The following CAPN8 variants were observed in gnomAD, a reference collection of about 807,000 sequenced individuals.
The protein encoded by CAPN8 is calpain-8.
A neutral mutation model predicts 80.9 loss-of-function variants in CAPN8; 87 were observed. The observed-to-expected ratio is 1.07, with a 90% CI of 0.90 to 1.28. The LOEUF (loss-of-function observed/expected upper bound fraction) is 1.28, where lower values mean the gene tolerates loss of function less well. CAPN8 is among the 50% of genes most tolerant of loss of function. CAPN8 has a pLI of 0.00. For missense variants in CAPN8, 757 were observed against 702.0 expected (o/e 1.08, Z -0.89); for synonymous variants, 299 against 273.8 (o/e 1.09, Z -0.91).
rs1656476963 is a variant in CAPN8 at position 223,541,963 on chromosome 1, A to G, written c.2089-104T>C. 6.6e-6 allele frequency: 10 copies of G among 1,520,778 alleles called. No homozygotes were observed. In the South Asian group the frequency reaches 1.1e-4, roughly 16 times the overall value. 94.2% of individuals were successfully genotyped at this position (1,520,778 alleles called of 1,614,324 possible). A position where few individuals can be genotyped will look rare whatever the true frequency, so the allele number is the denominator to read the frequency against. On this transcript the variant is annotated intron_variant, in intron 20 of 20. Coordinates refer to ENST00000366872, the MANE Select transcript of CAPN8 (RefSeq NM_001143962.2). ...ACATGGGTGCGATCTTTTTATCTCC[A>G]TTCTCCAGTAAGTGCCTTGCTCAAA...
chr1:223,621,977 T>G (rs1319339467), intron 7 of CAPN8, among the ~76,000 whole-genome samples: 1 of 152,090 alleles, frequency 6.6e-6, no homozygotes, highest in Non-Finnish European at 1.5e-5. Context: ...AGCTAATTTT[T>G]GTACTTTTAG....
chr1:223,642,317 C>T (rs530030220), intron 2 of CAPN8, among the ~76,000 whole-genome samples: 13 of 152,294 alleles, frequency 8.5e-5, no homozygotes, highest in African/African-American at 2.6e-4. Flanking sequence ...TAACGTGACT[C>T]ATTTATGGCA....
intron 13 of CAPN8, among the ~76,000 whole-genome samples, chr1:223,555,166 C>A (rs1656876504): frequency 6.6e-6 from 1 of 152,210 alleles, no homozygotes; most frequent in African/African-American, 2.4e-5. Context: ...TAATATTCAC[C>A]ACTGTCCTGT....
intron 2 of CAPN8, among the ~76,000 whole-genome samples, chr1:223,648,869 A>G (rs1273752998): frequency 6.6e-6 from 1 of 152,240 alleles, no homozygotes; most frequent in Non-Finnish European, 1.5e-5. Context: ...TATAAGACAG[A>G]GTGAAAAATA....
intron 16 of CAPN8, among the ~76,000 whole-genome samples, chr1:223,548,547 A>G (rs1188863350): frequency 6.6e-6 from 1 of 152,216 alleles, no homozygotes; most frequent in African/African-American, 2.4e-5. Context: ...TAGTGCCCTT[A>G]TAAAAGGAAC....
intron 2 of CAPN8, among the ~76,000 whole-genome samples, chr1:223,645,286 G>A (rs567586871): frequency 4.6e-5 from 7 of 152,258 alleles, no homozygotes; most frequent in African/African-American, 1.4e-4. Context: ...ATTAGATGGT[G>A]CCCACCCAGA....
chr1:223,629,264 TG>T (rs1657705622), intron 2 of CAPN8, among the ~76,000 whole-genome samples: 1 of 147,590 alleles, frequency 6.8e-6, no homozygotes, highest in Non-Finnish European at 1.5e-5. Flanking sequence ...CCTTGGATAA[TG>T]AAGAGCTGGC....
chr1:223,632,848 C>T (rs572180662), intron 2 of CAPN8, among the ~76,000 whole-genome samples: 9 of 152,208 alleles, frequency 5.9e-5, no homozygotes, highest in Non-Finnish European at 1.3e-4. Flanking sequence ...CAGAGGTGCA[C>T]TTCATGGGAA....
At chr1:223,615,368 G>A (rs1483238204) in intron 10 of CAPN8, among the ~76,000 whole-genome samples, 1 of 152,180 alleles carries the variant, frequency 6.6e-6, no homozygotes, top group African/African-American at 2.4e-5. Flanking sequence ...ACATATCTGT[G>A]AGGCTGTTAA....
At position 223,616,718 on chromosome 1, in the gene CAPN8, C is replaced by T. The variant is rs73119723; in HGVS notation, c.1136-573G>A. Among the ~76,000 whole-genome samples, 855 of 152,290 alleles carry T rather than the reference C, an allele frequency of 5.6e-3. 9 individuals carry two copies. The highest frequency in any genetic ancestry group is 0.019 in the African/African-American group (777 of 41,560). ...GGCCCCAGCTGCAGAGCACAGCCTG[C>T]GGCACCCCTGAGAACTAATCTGCTG... On this transcript the variant is annotated intron_variant, in intron 9 of 20. Transcript: ENST00000366872.
chr1:223,543,148 T>A lies in CAPN8; in HGVS notation c.2048A>T (p.Asp683Val). 1 of 1,551,670 alleles carries A rather than the reference T, an allele frequency of 6.4e-7. No homozygotes were observed. Among genetic ancestry groups the A allele is most frequent in the Non-Finnish European group, 8.7e-7 (1 of 1,146,982 alleles). ...CTGAACCATGCCATCCTTGTCTTCGTCCAGAAGGCTGAATAGTTCTAAAAC... is the reference window on the plus strand; with the variant it reads ...CTGAACCATGCCATCCTTGTCTTCGACCAGAAGGCTGAATAGTTCTAAAAC... Reference protein sequence around the residue: ...ETLFKLFSLLDEDKDGMVQLS... With the variant: ...ETLFKLFSLLVEDKDGMVQLS... The change falls in exon 20 of 21, where the codon GAC becomes GTC. Residue 683 changes from aspartate to valine, a missense_variant. By Grantham distance (152) the Asp-to-Val change is radical. Transcript: ENST00000366872.
At chr1:223,627,906 C>T (rs1257674981) in intron 4 of CAPN8, 103 bp downstream of exon 4, 1 of 1,352,044 alleles carries the variant, frequency 7.4e-7, no homozygotes, top group South Asian at 1.6e-5. Flanking sequence ...GGAAAGACGC[C>T]ATGACGCCCT....
In CAPN8 at chr1:223,654,414, G is replaced by A. The variant is rs1187696003; in HGVS notation, c.238-15C>T. The A allele has an allele frequency of 1.9e-6, 3 of 1,551,198 alleles. No individual in the cohort carries two copies. Among genetic ancestry groups the A allele is most frequent in the Non-Finnish European group, 1.7e-6 (2 of 1,146,712 alleles). On this transcript the variant is annotated splice_polypyrimidine_tract_variant and intron_variant, in intron 1 of 20. Coordinates refer to ENST00000366872, the MANE Select transcript of CAPN8 (RefSeq NM_001143962.2). Reference sequence around the variant, plus strand: ...GGACACAACTCCTGAAAGTAATTTGGAACAAAACACAAGTCACAAGGTGCT... The same window carrying A: ...GGACACAACTCCTGAAAGTAATTTGAAACAAAACACAAGTCACAAGGTGCT...
intron 9 of CAPN8, among the ~76,000 whole-genome samples, chr1:223,618,509 T>G (rs34079465): frequency 6.6e-6 from 1 of 152,258 alleles, no homozygotes; most frequent in Non-Finnish European, 1.5e-5. Flanking sequence ...AGCAGCTCTA[T>G]TGGATGCAGC....
intron 6 of CAPN8, among the ~76,000 whole-genome samples, chr1:223,625,018 G>A (rs980734960): frequency 5.3e-5 from 8 of 152,128 alleles, no homozygotes; most frequent in Non-Finnish European, 8.8e-5. Context: ...GCGTGAACCC[G>A]AGAGGCGGAG....
chr1:223,611,841 G>T (rs1657037702), intron 11 of CAPN8, among the ~76,000 whole-genome samples: 1 of 152,182 alleles, frequency 6.6e-6, no homozygotes, highest in South Asian at 2.1e-4. Flanking sequence ...ATGCTTCATG[G>T]CTAGCCAAGC....
At chr1:223,549,463 C>G (rs1281006624) in intron 15 of CAPN8, 81 bp from the exon 16 acceptor site, 6 of 1,542,400 alleles carry the variant, frequency 3.9e-6, no homozygotes, top group Non-Finnish European at 4.4e-6. Flanking sequence ...AGAAGACCTC[C>G]AAAGATACCA....
chr1:223,661,248 G>C (rs1453209777), intron 1 of CAPN8, among the ~76,000 whole-genome samples: 1 of 151,428 alleles, frequency 6.6e-6, no homozygotes, highest in African/African-American at 2.4e-5. Context: ...CACATGAAAA[G>C]ATGCTCACCA....
At chr1:223,544,274 C>T (rs1042012665) in intron 18 of CAPN8, 91 bp from the exon 19 acceptor site, 1 of 676,348 alleles carries the variant, frequency 1.5e-6, no homozygotes, top group Non-Finnish European at 2.7e-6. Context: ...CCCAGGGGCC[C>T]CTCTGTGGTT....
Sources: gnomAD v4.1 joint callset for allele counts (sites outside exome capture counted in the v4.1 genomes callset) on GRCh38, gnomAD v4.1.1 for gene constraint, MANE v1.5 for transcripts, NCBI Gene and HGNC (gene_info 2026-07-23, HGNC 2026-07-21) for gene names.